C5: variants seen among roughly 807,000 people sequenced by gnomAD.
C5 encodes the protein C3 and PZP-like alpha-2-macroglobulin domain-containing protein 4.
A neutral mutation model predicts 218.8 loss-of-function variants in C5; 140 were observed. The observed-to-expected ratio is 0.64, with a 90% confidence interval of 0.56 to 0.74. The LOEUF is 0.74. Among genes scored for constraint, C5 ranks in the 30% least tolerant of loss-of-function variants. The probability of loss-of-function intolerance (pLI) is 0.00; values close to 1 mark genes in which losing one functional copy is unlikely to be tolerated. For synonymous variants in C5, 614 were observed against 682.3 expected (o/e 0.90, Z 1.56); for missense variants, 1,700 against 1,969.6 (o/e 0.86, Z 2.59).
At chr9:121,058,945 T>C in the C5 span, among the ~76,000 whole-genome samples, 2 of 152,180 alleles carry the variant, frequency 1.3e-5, no homozygotes, top group Admixed American at 1.3e-4. Context: ...CAAGACTGGC[T>C]GAAATGACCA....
chr9:121,072,485 A>G, the C5 span, among the ~76,000 whole-genome samples: 1 of 152,312 alleles, frequency 6.6e-6, no homozygotes, highest in Admixed American at 6.5e-5. Context: ...CCAATCTAAT[A>G]AATATCACCT....
In C5 at chr9:121,023,416, T is replaced by C. The variant is rs1256550259; in HGVS notation, c.1104A>G (p.Pro368=). ...TCACCCAATCTACCTTGATGGGATA[T>C]GGAATCCCAGGCTTCAGGAAAAGAG... ...ATPLFLKPGI[P]YPIKVQVKDS... The change falls in exon 10 of 41, where the codon CCA becomes CCG. Residue 368 remains proline (P), a synonymous_variant. Transcript: ENST00000223642. The C allele has an allele frequency of 6.3e-7, 1 of 1,597,382 alleles. No homozygotes were observed. The highest frequency in any genetic ancestry group is 2.2e-5 in the East Asian group (1 of 44,800).
intron 21 of C5, 119 bp downstream of exon 21, chr9:120,997,428 C>A (rs2047125590): frequency 2.5e-6 from 2 of 790,160 alleles, no homozygotes; most frequent in Admixed American, 2.2e-5. Context: ...TAACCTCCAT[C>A]CAGTTTCCTT....
Position 121,037,827 on chromosome 9 carries a change from A to T in C5, c.492+54T>A, listed in dbSNP as rs41262744. On this transcript the variant is annotated intron_variant, in intron 4 of 40. Transcript: ENST00000223642. ...TGTGAGGACAGGGTTATGAAATGAG[A>T]TTCTTGTCCTGAAAAATGAATTAAA... is the stretch of plus-strand genomic sequence containing the variant. 3,783 of 800,392 alleles carry T rather than the reference A, an allele frequency of 4.7e-3. 25 individuals are homozygous for T. Among genetic ancestry groups the T allele is most frequent in the Non-Finnish European group, 4.7e-3 (2,310 of 486,718 alleles). 49.6% of individuals were successfully genotyped at this position (800,392 alleles called of 1,614,324 possible).
At chr9:121,051,314 G>A (rs773654894), upstream of C5, among the ~76,000 whole-genome samples, 8 of 152,046 alleles carry the variant, frequency 5.3e-5, no homozygotes, top group Non-Finnish European at 1.0e-4. Flanking sequence ...AGTAGAGGTA[G>A]GGTTTCACCG....
chr9:120,982,519 T>C (rs1322553431), intron 26 of C5, 136 bp downstream of exon 26: 6 of 686,182 alleles, frequency 8.7e-6, no homozygotes, highest in Non-Finnish European at 1.5e-5. Context: ...GACCTTTGTA[T>C]ATTTTGCTTG....
intron 25 of C5, among the ~76,000 whole-genome samples, chr9:120,987,509 C>G (rs1319031583): frequency 6.6e-6 from 1 of 151,048 alleles, no homozygotes; most frequent in African/African-American, 2.4e-5. Flanking sequence ...CATGGTGGTG[C>G]GCGCCTGTAA....
Position 120,980,239 on chromosome 9 carries a change from G to C in C5, c.3502C>G (p.Leu1168Val). The C allele has an allele frequency of 6.2e-7, 1 of 1,614,068 alleles. No individual in the cohort carries two copies. Among genetic ancestry groups the C allele is most frequent in the South Asian group, 1.1e-5 (1 of 91,074 alleles). ...ICPLVKIDTA[L>V]IKADNFLLEN... ...AGCAGAAAGTTGTCAGCTTTAATTA[G>C]AGCTGTGTCGATTTTCTGGAAACAA... Residue 1168 changes from leucine (L) to valine (V), a missense_variant, in exon 28 of 41, where the codon CTA becomes GTA. Coordinates refer to ENST00000223642, the MANE Select transcript of C5 (RefSeq NM_001735.3).
chr9:121,028,189 A>G (rs2047441709), intron 7 of C5, among the ~76,000 whole-genome samples: 1 of 152,206 alleles, frequency 6.6e-6, no homozygotes, highest in Non-Finnish European at 1.5e-5. Context: ...AAAAGTCAGG[A>G]AACAACAGAT....
chr9:121,070,423 A>ATATATG, the C5 span, among the ~76,000 whole-genome samples: 66 of 114,982 alleles, frequency 5.7e-4, no homozygotes, highest in Non-Finnish European at 1.0e-3. Flanking sequence ...ATATATATAT[A>ATATATG]TATGTATGTA....
intron 36 of C5, among the ~76,000 whole-genome samples, chr9:120,961,867 AAG>A (rs2046830267): frequency 6.6e-6 from 1 of 152,180 alleles, no homozygotes; most frequent in African/African-American, 2.4e-5. Flanking sequence ...GATCTTTTGA[AAG>A]AGTTGGAATT....
intron 20 of C5, chr9:120,999,804 T>C (rs2047144986): frequency 2.5e-6 from 1 of 406,448 alleles, no homozygotes. Context: ...ATATCACAGA[T>C]GTACTTGTTT....
chr9:121,017,299 T>A, intron 14 of C5, 63 bp downstream of exon 14: 1 of 1,592,282 alleles, frequency 6.3e-7, no homozygotes, highest in Non-Finnish European at 8.6e-7. Context: ...TAGTTCTTCC[T>A]CCATATCCTA....
At chr9:120,984,088 A>G (rs1399370606) in intron 25 of C5, among the ~76,000 whole-genome samples, 1 of 152,214 alleles carries the variant, frequency 6.6e-6, no homozygotes, top group Non-Finnish European at 1.5e-5. Flanking sequence ...AAGTGATTTT[A>G]TACATTAAAT....
At chr9:121,067,555 G>A in the C5 span, among the ~76,000 whole-genome samples, 2 of 149,246 alleles carry the variant, frequency 1.3e-5, no homozygotes, top group African/African-American at 5.0e-5. Context: ...GTGACAGAGT[G>A]AGGCTCCATC....
At chr9:121,059,650 C>A in the C5 span, among the ~76,000 whole-genome samples, 1 of 152,204 alleles carries the variant, frequency 6.6e-6, no homozygotes, top group Non-Finnish European at 1.5e-5. This position sits in a 1 kb window ranked among gnomAD's most constrained non-coding sequence, Gnocchi z 4.1. Context: ...TGTATCACAC[C>A]GATTCATCTG....
In C5 at chr9:121,030,502, A is replaced by C; in HGVS notation, c.668-15T>G. Reference sequence around the variant, plus strand: ...ATGTGGCAAGACTGAAAATAAAAACAAACAGGTAATATTACCATTTTGATT... The same window carrying C: ...ATGTGGCAAGACTGAAAATAAAAACCAACAGGTAATATTACCATTTTGATT... On this transcript the variant is annotated splice_polypyrimidine_tract_variant and intron_variant, in intron 6 of 40. Coordinates refer to ENST00000223642, the MANE Select transcript of C5 (RefSeq NM_001735.3). 1.4e-6 allele frequency: 2 copies of C among 1,458,890 alleles called. No individual in the cohort carries two copies. The highest frequency in any genetic ancestry group is 1.9e-6 in the Non-Finnish European group (2 of 1,063,564). The allele number at this position is 1,458,890 out of a possible 1,614,324, so 90.4% of individuals were successfully genotyped here.
intron 22 of C5, among the ~76,000 whole-genome samples, chr9:120,993,547 C>T (rs866343754): frequency 1.3e-5 from 2 of 152,120 alleles, no homozygotes; most frequent in East Asian, 1.9e-4. Context: ...CTCAGCCTCC[C>T]GAGTAGCTGG....
chr9:121,034,514 C>T (rs1194404871), intron 5 of C5, among the ~76,000 whole-genome samples: 1 of 152,140 alleles, frequency 6.6e-6, no homozygotes, highest in Admixed American at 6.5e-5. Context: ...AACTGACAAT[C>T]TATTAGATAC....
Sources: gnomAD v4.1 joint callset for allele counts (sites outside exome capture counted in the v4.1 genomes callset) on GRCh38, gnomAD v4.1.1 for gene constraint, Gnocchi (gnomAD v3.1) non-coding constraint, MANE v1.5 for transcripts, NCBI Gene and HGNC (gene_info 2026-07-23, HGNC 2026-07-21) for gene names.